Variants in ABCC8 observed in about 807,000 individuals in gnomAD.
The protein encoded by ABCC8 is ATP-binding cassette sub-family C member 8.
Under a neutral mutation model 188.0 loss-of-function variants are expected in ABCC8, and 137 were observed. That is an observed-to-expected ratio of 0.73 (90% CI 0.63 to 0.84). ABCC8 has a LOEUF of 0.84. ABCC8 is among the 40% of genes least tolerant of loss of function. ABCC8 has a pLI of 0.00. For missense variants in ABCC8, 1,750 were observed against 2,072.7 expected (o/e 0.84, Z 3.02); for synonymous variants, 797 against 846.5 (o/e 0.94, Z 1.01).
At chr11:17,393,332 C>T in intron 38 of ABCC8, 2 of 727,492 alleles carry the variant, frequency 2.7e-6, no homozygotes, top group South Asian at 3.7e-5. Context: ...CTCTCCTCTC[C>T]AAGTCCCAAC....
At position 17,394,325 on chromosome 11, in the gene ABCC8, C is replaced by T. The variant is rs377696470; in HGVS notation, c.4486G>A (p.Val1496Met). The T allele has an allele frequency of 3.1e-5, 50 of 1,613,928 alleles. No individual in the cohort carries two copies. The highest frequency in any genetic ancestry group is 4.0e-5 in the African/African-American group (3 of 74,936). Residue 1496 changes from valine to methionine, a missense_variant, in exon 37 of 39, where the codon GTG (valine) becomes ATG (methionine). Val to Met is a conservative substitution (Grantham distance 21). Coordinates refer to ENST00000389817, the MANE Select transcript of ABCC8 (RefSeq NM_000352.6). ...RQLFCLARAF[V>M]RKTSIFIMDE... is the part of the protein sequence containing the mutation. Reference sequence around the variant, plus strand: ...ATGATGAAGATGCTGGTCTTCCTCACGAAGGCCCGGGCCAGGCAGAACAGC... The same window carrying T: ...ATGATGAAGATGCTGGTCTTCCTCATGAAGGCCCGGGCCAGGCAGAACAGC...
chr11:17,428,290 T>C lies in ABCC8; in HGVS notation c.2039A>G (p.Gln680Arg), dbSNP rs1357284297. The part of the protein sequence containing the change: ...ADGDADNCCV[Q>R]IMGGYFTWTP... Reference sequence around the variant, plus strand: ...CAGGCATGGGGCAGCAGGACTCACCTGGACACAGCAGTTGTCAGCATCGCC... The same window carrying C: ...CAGGCATGGGGCAGCAGGACTCACCCGGACACAGCAGTTGTCAGCATCGCC... The change falls in exon 14 of 39, where the codon CAG becomes CGG. Residue 680 changes from glutamine (Q) to arginine (R), a missense_variant and splice_region_variant. By Grantham distance (43) the Gln-to-Arg change is conservative (BLOSUM62 1). Transcript: ENST00000389817. 2 of 1,614,162 alleles carry C rather than the reference T, an allele frequency of 1.2e-6. No individual in the cohort carries two copies. The highest frequency in any genetic ancestry group is 1.7e-6 in the Non-Finnish European group (2 of 1,180,050).
At position 17,461,806 on chromosome 11, in the gene ABCC8, G is replaced by GTC; in HGVS notation, c.597_598dup (p.Thr200ArgfsTer6). On this transcript the variant is annotated frameshift_variant, in exon 5 of 39. Coordinates refer to ENST00000389817, the MANE Select transcript of ABCC8 (RefSeq NM_000352.6). LOFTEE classifies it high-confidence loss of function. ...CTCGGGAGGCTTCACCTCCCTCGGTGTCTTGAAGAAGATGTATCTCTGTGG... is the reference window on the plus strand; with the variant it reads ...CTCGGGAGGCTTCACCTCCCTCGGTGTCTCTTGAAGAAGATGTATCTCTGTGG... The GTC allele has an allele frequency of 6.2e-7, 1 of 1,614,126 alleles. No individual in the cohort carries two copies. Among genetic ancestry groups the GTC allele is most frequent in the South Asian group, 1.1e-5 (1 of 91,078 alleles).
At chr11:17,415,065 G>GAAGAAAAAAGAAAA (rs10658068) in intron 18 of ABCC8, among the ~76,000 whole-genome samples, 3 of 150,276 alleles carry the variant, frequency 2.0e-5, no homozygotes, top group African/African-American at 4.9e-5. Flanking sequence ...TGTGGTTTTT[G>GAAGAAAAAAGAAAA]AAGAAAAAAG....
chr11:17,476,825 CCG>C lies in ABCC8; in HGVS notation c.-51_-50del, dbSNP rs1268998737. 11 of 1,451,070 alleles carry C rather than the reference CCG, an allele frequency of 7.6e-6. No homozygotes were observed. Among genetic ancestry groups the C allele is most frequent in the Non-Finnish European group, 9.0e-6 (10 of 1,104,972 alleles). The allele number at this position is 1,451,070 out of a possible 1,614,324, so 89.9% of individuals were successfully genotyped here. A position where few individuals can be genotyped will look rare whatever the true frequency, so the allele number is the denominator to read the frequency against. On this transcript the variant is annotated 5_prime_UTR_variant, in exon 1 of 39. Coordinates refer to ENST00000389817, the MANE Select transcript of ABCC8 (RefSeq NM_000352.6). ...TCGGGCTCAGCTGGCTCCGCTGGCT[CCG>C]CGCGCCTGCCGCGCCTCTGTCCCTT...
Position 17,404,654 on chromosome 11 carries a change from G to C in ABCC8, c.3415C>G (p.Leu1139Val). The C allele has an allele frequency of 6.2e-7, 1 of 1,610,370 alleles. No individual in the cohort carries two copies. Among genetic ancestry groups the C allele is most frequent in the Non-Finnish European group, 8.5e-7 (1 of 1,178,576 alleles). ...AGGGTGGAGCGGCTCAGGCACTCCA[G>C]CGTGGATGGGATGTGCTGAGGGAGA... ...NTIDQHIPSTLECLSRSTLLC... is the reference protein window; with the variant it reads ...NTIDQHIPSTVECLSRSTLLC... Residue 1139 changes from leucine to valine, a missense_variant, in exon 28 of 39, where the codon CTG (leucine) becomes GTG (valine). Transcript: ENST00000389817. The surrounding 1 kb of genome is among the most constrained non-coding windows in gnomAD (Gnocchi z 4.7).
chr11:17,431,282 C>G (rs767761520), intron 11 of ABCC8, among the ~76,000 whole-genome samples: 3 of 152,186 alleles, frequency 2.0e-5, no homozygotes, highest in Non-Finnish European at 4.4e-5. Flanking sequence ...AGACAGCAGG[C>G]GGGGTGCTCA....
At position 17,392,945 on chromosome 11, in the gene ABCC8, G is replaced by A. The variant is rs548277646; in HGVS notation, c.*46C>T. ...TTACAGTTAGAAAACCCAGGCAGGG[G>A]TATGGGCAGGGTCCGAATGTGGGAT... On this transcript the variant is annotated 3_prime_UTR_variant, in exon 39 of 39. Coordinates refer to ENST00000389817, the MANE Select transcript of ABCC8 (RefSeq NM_000352.6). 6.3e-7 allele frequency: 1 copy of A among 1,585,578 alleles called. No individual in the cohort carries two copies. Among genetic ancestry groups the A allele is most frequent in the South Asian group, 1.1e-5 (1 of 90,520 alleles).
At chr11:17,453,530 A>G (rs764795004) in intron 6 of ABCC8, among the ~76,000 whole-genome samples, 7 of 152,200 alleles carry the variant, frequency 4.6e-5, no homozygotes, top group Admixed American at 6.5e-5. Context: ...ATGGGGCCCA[A>G]TTACAACTGC....
intron 33 of ABCC8, chr11:17,396,477 CAA>C: frequency 3.4e-6 from 1 of 291,794 alleles, no homozygotes. Flanking sequence ...GAGACAGAGA[CAA>C]AGAGACAGAG....
At chr11:17,395,354 G>A in intron 35 of ABCC8, 79 bp from the exon 36 acceptor site, 2 of 1,549,062 alleles carry the variant, frequency 1.3e-6, no homozygotes, top group South Asian at 1.2e-5. Context: ...AGGGCAGTGA[G>A]CGAGAGCAGA....
intron 13 of ABCC8, 44 bp from the exon 14 acceptor site, chr11:17,428,449 T>C: frequency 6.2e-7 from 1 of 1,605,918 alleles, no homozygotes; most frequent in Non-Finnish European, 8.5e-7. Context: ...CTGGGAGCTG[T>C]GTAGGGAAGG....
intron 21 of ABCC8, among the ~76,000 whole-genome samples, chr11:17,411,875 G>C (rs1024907162): frequency 1.3e-4 from 19 of 151,440 alleles, no homozygotes; most frequent in Non-Finnish European, 2.2e-4. Context: ...AGTAGTGTAA[G>C]GATTGCGAAT....
At chr11:17,419,474 G>T (rs770593698) in intron 16 of ABCC8, among the ~76,000 whole-genome samples, 9 of 152,230 alleles carry the variant, frequency 5.9e-5, no homozygotes, top group Admixed American at 5.9e-4. Flanking sequence ...AAGTATCGGA[G>T]AACTTTTGGG....
intron 6 of ABCC8, among the ~76,000 whole-genome samples, chr11:17,455,855 C>T (rs571278803): frequency 9.7e-4 from 146 of 149,870 alleles, no homozygotes; most frequent in African/African-American, 3.5e-3. Context: ...AGGAGAATTG[C>T]TTGAACCCAG....
rs749598205 is a variant in ABCC8 at position 17,413,500 on chromosome 11, G to T, written c.2391-22C>A. 53 of 1,613,154 alleles carry T rather than the reference G, an allele frequency of 3.3e-5. No individual in the cohort carries two copies. In the East Asian group the frequency reaches 1.2e-3, roughly 36 times the overall value. On this transcript the variant is annotated intron_variant, in intron 19 of 38. Coordinates refer to ENST00000389817, the MANE Select transcript of ABCC8 (RefSeq NM_000352.6). Reference sequence around the variant, plus strand: ...GTACCTGGCGTGGGTAGAGGCAGGGGATGCAGCTGGTCAGCCTGGTCAGAG... The same window carrying T: ...GTACCTGGCGTGGGTAGAGGCAGGGTATGCAGCTGGTCAGCCTGGTCAGAG...
chr11:17,450,059 A>G (rs1956700374), intron 7 of ABCC8, among the ~76,000 whole-genome samples: 1 of 152,244 alleles, frequency 6.6e-6, no homozygotes, highest in Non-Finnish European at 1.5e-5. Context: ...ACAGAAATGC[A>G]CAACTGACTG....
intron 16 of ABCC8, among the ~76,000 whole-genome samples, chr11:17,423,653 G>C (rs1420009568): frequency 6.6e-6 from 1 of 152,170 alleles, no homozygotes; most frequent in African/African-American, 2.4e-5. Flanking sequence ...TGCGAGCCTC[G>C]AACAGAGCTG....
intron 3 of ABCC8, among the ~76,000 whole-genome samples, chr11:17,466,375 G>C (rs1483251479): frequency 6.8e-6 from 1 of 146,600 alleles, no homozygotes; most frequent in Non-Finnish European, 1.5e-5. Context: ...CTCCAACCTG[G>C]GCAACAGAGC....
Sources: allele counts gnomAD v4.1 joint callset (sites outside exome capture counted in the v4.1 genomes callset), GRCh38; gene constraint gnomAD v4.1.1; non-coding constraint Gnocchi (gnomAD v3.1); transcripts MANE v1.5; gene names NCBI Gene and HGNC (gene_info 2026-07-23, HGNC 2026-07-21).